The following DAB1 variants were observed in gnomAD, a reference collection of about 807,000 sequenced individuals.
The protein encoded by DAB1 is DAB adaptor protein 1.
Under a neutral mutation model 64.6 loss-of-function variants are expected in DAB1, and 15 were observed. That is an observed-to-expected ratio of 0.23 (90% CI 0.16 to 0.36). The LOEUF is 0.36. Ranked by LOEUF, DAB1 falls within the 10% of genes least tolerant of loss-of-function variation. The pLI is 1.00. For missense variants in DAB1, 596 were observed against 706.7 expected, an observed-to-expected ratio of 0.84 and a Z score of 1.78; for synonymous variants, 235 against 251.9, an observed-to-expected ratio of 0.93 and a Z score of 0.64.
intron 6 of DAB1, among the ~76,000 whole-genome samples, chr1:57,743,036 G>A (rs1322658557): frequency 1.3e-5 from 2 of 152,144 alleles, no homozygotes; most frequent in African/African-American, 2.4e-5. Flanking sequence ...AACAACTCAT[G>A]CCATGTCATA....
chr1:58,354,528 G>A (rs908805034), intron 3 of DAB1, among the ~76,000 whole-genome samples: 3 of 152,078 alleles, frequency 2.0e-5, no homozygotes, highest in African/African-American at 4.8e-5. Flanking sequence ...GAAACAAGTC[G>A]AACAGTGAGT....
chr1:58,545,232 A>T (rs10789066), intron 1 of DAB1, among the ~76,000 whole-genome samples: 98,843 of 152,136 alleles, frequency 0.65, 34,213 homozygotes, highest in East Asian at 0.94. Context: ...TTAGCTCTGC[A>T]CATGACAAGC....
chr1:57,175,297 T>A (rs1306232451), intron 2 of DAB1, among the ~76,000 whole-genome samples: 6 of 149,792 alleles, frequency 4.0e-5, no homozygotes, highest in East Asian at 1.9e-4. Flanking sequence ...GGTTTTTTTT[T>A]ATTATTTCAG....
chr1:58,329,789 C>T (rs990426214), intron 4 of DAB1, among the ~76,000 whole-genome samples: 2 of 152,028 alleles, frequency 1.3e-5, no homozygotes, highest in African/African-American at 2.4e-5. Context: ...TTTGGGGCAC[C>T]GTGAATAGCG....
At chr1:58,059,853 G>C (rs979190334) in intron 5 of DAB1, among the ~76,000 whole-genome samples, 2 of 152,242 alleles carry the variant, frequency 1.3e-5, no homozygotes, top group Admixed American at 1.3e-4. Flanking sequence ...GGAAATGGCA[G>C]AGAAAGGATG....
intron 5 of DAB1, among the ~76,000 whole-genome samples, chr1:58,008,160 A>G (rs1323676623): frequency 6.6e-6 from 1 of 152,202 alleles, no homozygotes; most frequent in Non-Finnish European, 1.5e-5. Context: ...CCATTTATAG[A>G]TAAGAAATCT....
downstream of DAB1, among the ~76,000 whole-genome samples, chr1:57,824,037 AATAT>A (rs771296298): frequency 1.3e-5 from 2 of 152,146 alleles, no homozygotes; most frequent in Non-Finnish European, 2.9e-5. Context: ...AATCATGGCT[AATAT>A]ATATATACCA....
At chr1:58,039,041 C>T (rs1446337448) in intron 5 of DAB1, among the ~76,000 whole-genome samples, 2 of 152,104 alleles carry the variant, frequency 1.3e-5, no homozygotes, top group Non-Finnish European at 2.9e-5. Flanking sequence ...TAAGCCCCGA[C>T]TCTGTTAACT....
chr1:57,367,421 G>A lies in DAB1; in HGVS notation c.-137+56509C>T, dbSNP rs142497400. ...CATTTCCAGAGACCTACTAGGTGTT[G>A]GAAACCAGTGACTCAAACACTGTAG... On this transcript the variant is annotated intron_variant, in intron 1 of 14. Transcript: ENST00000371236. Among the ~76,000 whole-genome samples the A allele has an allele frequency of 5.4e-3, 824 of 152,284 alleles. 9 individuals are homozygous for A. Among genetic ancestry groups the A allele is most frequent in the African/African-American group, 0.018 (757 of 41,562 alleles).
chr1:57,082,396 A>G (rs577245721), intron 4 of DAB1, among the ~76,000 whole-genome samples: 1 of 152,334 alleles, frequency 6.6e-6, no homozygotes, highest in South Asian at 2.1e-4. Context: ...AGTCTTTAAG[A>G]AGACACACGT....
chr1:57,413,601 G>A lies in DAB1; in HGVS notation c.-137+10329C>T, dbSNP rs142343090. 6.6e-5 allele frequency among the ~76,000 whole-genome samples: 10 copies of A among 151,806 alleles called. No homozygotes were observed. The East Asian group carries it at 9.7e-4, about 15-fold the overall frequency. ...CTAAAAATACAAAAAGAAATTAGCC[G>A]GGCATGGTGGCAGGTGCCTGTACTC... is the stretch of plus-strand genomic sequence containing the variant. On this transcript the variant is annotated intron_variant, in intron 1 of 14. Coordinates refer to ENST00000371236, the MANE Select transcript of DAB1 (RefSeq NM_001365792.1).
At chr1:57,632,589 G>C (rs1646003159) in intron 7 of DAB1, among the ~76,000 whole-genome samples, 1 of 152,172 alleles carries the variant, frequency 6.6e-6, no homozygotes, top group African/African-American at 2.4e-5. Flanking sequence ...CACAGACAGA[G>C]GAAGGTTGGG....
intron 5 of DAB1, among the ~76,000 whole-genome samples, chr1:58,137,414 C>T (rs1023035676): frequency 1.3e-5 from 2 of 152,104 alleles, no homozygotes; most frequent in African/African-American, 4.8e-5. Flanking sequence ...AATGAGTATC[C>T]CATTCATATC....
Position 57,234,070 on chromosome 1 carries a change from G to A in DAB1, c.67+56894C>T, listed in dbSNP as rs142899376. Among the ~76,000 whole-genome samples the A allele has an allele frequency of 5.3e-5, 8 of 152,302 alleles. No homozygotes were observed. The East Asian group carries it at 1.5e-3, about 29-fold the overall frequency. On this transcript the variant is annotated intron_variant, in intron 2 of 14. Coordinates refer to ENST00000371236, the MANE Select transcript of DAB1 (RefSeq NM_001365792.1). ...AACTACAGAAAGAATACTGTTCAAT[G>A]TTGTTTCATTCAGTGAACATGCAGA...
intron 5 of DAB1, among the ~76,000 whole-genome samples, chr1:57,993,817 G>A (rs188603880): frequency 6.6e-6 from 1 of 152,276 alleles, no homozygotes; most frequent in East Asian, 1.9e-4. Context: ...GTCAAAGAAA[G>A]TTCAGTTGCA....
chr1:58,541,962 T>A (rs1409507739), intron 1 of DAB1, among the ~76,000 whole-genome samples: 2 of 152,164 alleles, frequency 1.3e-5, no homozygotes, highest in Non-Finnish European at 2.9e-5. Context: ...GGGAAAAAAA[T>A]ATGTAAACTT....
At chr1:58,103,207 C>T (rs115757905) in intron 5 of DAB1, among the ~76,000 whole-genome samples, 2,505 of 152,200 alleles carry the variant, frequency 0.016, 52 homozygotes, top group African/African-American at 0.055. Context: ...AAATAAAATA[C>T]CATCAAAGGC....
At chr1:57,310,500 A>AGAGT (rs564169612) in intron 1 of DAB1, among the ~76,000 whole-genome samples, 133 of 152,290 alleles carry the variant, frequency 8.7e-4, no homozygotes, top group African/African-American at 3.1e-3. Context: ...AAAGTATGGC[A>AGAGT]GAGTCCTCGC....
chr1:57,627,264 A>T (rs1453083662), intron 7 of DAB1, among the ~76,000 whole-genome samples: 2 of 152,142 alleles, frequency 1.3e-5, no homozygotes, highest in African/African-American at 4.8e-5. Context: ...CTTCAGACTG[A>T]AGCTGACTTA....
Sources: gnomAD v4.1 joint callset for allele counts (sites outside exome capture counted in the v4.1 genomes callset) on GRCh38, gnomAD v4.1.1 for gene constraint, MANE v1.5 for transcripts, NCBI Gene and HGNC (gene_info 2026-07-23, HGNC 2026-07-21) for gene names.